Variants in LRP1B observed in about 807,000 individuals in gnomAD.
LRP1B encodes low-density lipoprotein receptor-related protein 1B.
LRP1B carries 217 observed loss-of-function variants against 556.6 expected under a neutral mutation model. That is an observed-to-expected ratio of 0.39 (90% CI 0.35 to 0.44). The LOEUF is 0.44. Ranked by LOEUF, LRP1B falls within the 20% of genes least tolerant of loss-of-function variation. The pLI, the probability that LRP1B is intolerant of heterozygous loss-of-function variation, is 1.00. For missense variants in LRP1B, 5,053 were observed against 5,620.8 expected (o/e 0.90, Z 3.23); for synonymous variants, 2,047 against 1,865.8 (o/e 1.10, Z -2.50).
chr2:141,211,933 C>T (rs1305838632), intron 6 of LRP1B, among the ~76,000 whole-genome samples: 4 of 152,066 alleles, frequency 2.6e-5, no homozygotes, highest in Non-Finnish European at 5.9e-5. Flanking sequence ...TAATCAACTT[C>T]ACAGCCACAT....
chr2:142,042,531 G>A (rs147664714), intron 1 of LRP1B, among the ~76,000 whole-genome samples: 1 of 151,466 alleles, frequency 6.6e-6, no homozygotes, highest in African/African-American at 2.4e-5. Context: ...ACTGTCCCAG[G>A]TAGTTCTGAA....
intron 43 of LRP1B, among the ~76,000 whole-genome samples, chr2:140,588,362 T>C (rs949329805): frequency 1.3e-5 from 2 of 152,146 alleles, no homozygotes; most frequent in African/African-American, 2.4e-5. Flanking sequence ...GTGATGCTTG[T>C]AGACTGATAA....
At chr2:141,824,868 T>C (rs912877515) in intron 1 of LRP1B, among the ~76,000 whole-genome samples, 9 of 152,144 alleles carry the variant, frequency 5.9e-5, no homozygotes, top group African/African-American at 1.9e-4. Context: ...TCCCAATGTG[T>C]CGAGGGAGGG....
chr2:141,424,474 C>T (rs996525197), intron 3 of LRP1B, among the ~76,000 whole-genome samples: 4 of 152,188 alleles, frequency 2.6e-5, no homozygotes, highest in African/African-American at 9.7e-5. Flanking sequence ...ACCTCTAGGA[C>T]ATTGCAATGT....
chr2:141,662,604 G>A (rs1376395998), intron 2 of LRP1B, among the ~76,000 whole-genome samples: 1 of 151,936 alleles, frequency 6.6e-6, no homozygotes, highest in African/African-American at 2.4e-5. Flanking sequence ...TAACAGTAAA[G>A]GGCTCAATTC....
In LRP1B at chr2:141,624,035, A is replaced by T. The variant is rs1327917377; in HGVS notation, c.206-143502T>A. On this transcript the variant is annotated intron_variant, in intron 2 of 90. Transcript: ENST00000389484. The stretch of plus-strand genomic sequence containing the variant: ...CAACTCAAAAAAAAAAAAAAATTAA[A>T]CAAAAAAAAAAAGAAAAGAAAAAAA... Among the ~76,000 whole-genome samples the T allele has an allele frequency of 4.1e-5, 5 of 121,634 alleles. 1 individual carries two copies. Among genetic ancestry groups the T allele is most frequent in the African/African-American group, 6.0e-5 (2 of 33,088 alleles). 79.8% of individuals were successfully genotyped at this position (121,634 alleles called of 152,430 possible). A position where few individuals can be genotyped will look rare whatever the true frequency, so the allele number is the denominator to read the frequency against.
rs892879250 is a variant in LRP1B, at chr2:141,849,633, A to G, written c.83-39232T>C. 5.9e-5 allele frequency among the ~76,000 whole-genome samples: 9 copies of G among 151,600 alleles called. 1 individual carries two copies. The highest frequency in any genetic ancestry group is 1.5e-5 in the Non-Finnish European group (1 of 67,692). ...GGAAATGAGGACTTTTACATAGAAAAATAATGTTGCTGTGCAAAAGTTATA... is the reference window on the plus strand; with the variant it reads ...GGAAATGAGGACTTTTACATAGAAAGATAATGTTGCTGTGCAAAAGTTATA... On this transcript the variant is annotated intron_variant, in intron 1 of 90. Coordinates refer to ENST00000389484, the MANE Select transcript of LRP1B (RefSeq NM_018557.3).
chr2:141,633,091 C>T (rs186014470), intron 2 of LRP1B, among the ~76,000 whole-genome samples: 99 of 152,180 alleles, frequency 6.5e-4, no homozygotes, highest in African/African-American at 2.3e-3. Context: ...TTGGATATTT[C>T]TCTGTATCCC....
chr2:140,881,599 T>G (rs1693477637), intron 25 of LRP1B, among the ~76,000 whole-genome samples: 1 of 152,028 alleles, frequency 6.6e-6, no homozygotes. Context: ...CTCTAGTCAT[T>G]TATTCTAGAA....
chr2:141,774,863 T>A (rs911602942), intron 2 of LRP1B, among the ~76,000 whole-genome samples: 1 of 152,194 alleles, frequency 6.6e-6, no homozygotes, highest in Admixed American at 6.5e-5. Flanking sequence ...TGACTTAGTT[T>A]TAGCTGCAGC....
intron 1 of LRP1B, among the ~76,000 whole-genome samples, chr2:142,126,708 A>G (rs73963457): frequency 0.039 from 5,973 of 151,942 alleles, 166 homozygotes; most frequent in South Asian, 0.096. Context: ...GAAAATGCTG[A>G]AGGAAAGGGA....
chr2:140,950,537 G>A (rs953475305), intron 19 of LRP1B, 135 bp from the exon 20 acceptor site: 4 of 594,724 alleles, frequency 6.7e-6, no homozygotes, highest in Non-Finnish European at 8.4e-6. Context: ...AACCTGTAGT[G>A]CAGTGGCACT....
intron 84 of LRP1B, among the ~76,000 whole-genome samples, chr2:140,288,018 T>C (rs74331674): frequency 0.14 from 21,816 of 151,780 alleles, 2,038 homozygotes; most frequent in East Asian, 0.32. Context: ...TCATATATTG[T>C]TTTCTATTTC....
In LRP1B at chr2:141,423,885, G is replaced by A. The variant is rs191276529; in HGVS notation, c.343+56511C>T. On this transcript the variant is annotated intron_variant, in intron 3 of 90. Transcript: ENST00000389484. The stretch of plus-strand genomic sequence containing the variant: ...AGTTATAAATATATAAATGATTTTG[G>A]CTCTTTGAGGAAAGAATATTAAATA... Among the ~76,000 whole-genome samples the A allele has an allele frequency of 1.0e-4, 15 of 150,342 alleles. No homozygotes were observed. In the East Asian group the frequency reaches 2.5e-3, roughly 25 times the overall value.
At chr2:140,970,279 T>G (rs952960899) in intron 18 of LRP1B, among the ~76,000 whole-genome samples, 1 of 152,208 alleles carries the variant, frequency 6.6e-6, no homozygotes, top group Non-Finnish European at 1.5e-5. Flanking sequence ...GATTTGATCT[T>G]CAATCACTGA....
intron 59 of LRP1B, among the ~76,000 whole-genome samples, chr2:140,483,768 G>A (rs1688353292): frequency 6.7e-6 from 1 of 150,210 alleles, no homozygotes; most frequent in Non-Finnish European, 1.5e-5. Flanking sequence ...AGTCTCCAAA[G>A]TAGCTGGGAT....
intron 84 of LRP1B, among the ~76,000 whole-genome samples, chr2:140,280,282 TGGA>T (rs1318014231): frequency 4.6e-5 from 7 of 151,678 alleles, no homozygotes; most frequent in Non-Finnish European, 1.0e-4. Flanking sequence ...AAAATAAAGT[TGGA>T]AATAGTGATA....
chr2:140,625,659 C>T (rs546261626), intron 41 of LRP1B, among the ~76,000 whole-genome samples: 14 of 152,180 alleles, frequency 9.2e-5, no homozygotes, highest in African/African-American at 3.4e-4. Flanking sequence ...CATTAGGAAA[C>T]TGCAAATCAA....
At chr2:141,362,341 C>T (rs1688855389) in intron 3 of LRP1B, among the ~76,000 whole-genome samples, 2 of 152,118 alleles carry the variant, frequency 1.3e-5, no homozygotes, top group Admixed American at 1.3e-4. Context: ...ACATGCATTG[C>T]ATTTTGGGAA....
Sources: gnomAD v4.1 joint callset for allele counts (sites outside exome capture counted in the v4.1 genomes callset) on GRCh38, gnomAD v4.1.1 for gene constraint, MANE v1.5 for transcripts, NCBI Gene and HGNC (gene_info 2026-07-23, HGNC 2026-07-21) for gene names.